INO80C: variants seen among roughly 807,000 people sequenced by gnomAD.
INO80C encodes INO80 complex subunit C.
A neutral mutation model predicts 17.7 loss-of-function variants in INO80C; 17 were observed. The ratio of observed to expected loss-of-function variants is 0.96; its 90% CI spans 0.66 to 1.44. INO80C has a LOEUF of 1.44. INO80C is among the 40% of genes most tolerant of loss of function. The probability of loss-of-function intolerance (pLI) is 0.00; values close to 1 mark genes in which losing one functional copy is unlikely to be tolerated. For synonymous variants in INO80C, 96 were observed against 95.8 expected, an observed-to-expected ratio of 1.00 and a Z score of -0.01; for missense variants, 244 against 245.0, an observed-to-expected ratio of 1.00 and a Z score of 0.03.
chr18:35,477,460 T>G (rs2045750644), intron 4 of INO80C, among the ~76,000 whole-genome samples: 1 of 152,208 alleles, frequency 6.6e-6, no homozygotes, highest in Non-Finnish European at 1.5e-5. Flanking sequence ...ATATTTTCAT[T>G]AAAATGTAAA....
intron 1 of INO80C, among the ~76,000 whole-genome samples, chr18:35,493,094 G>C (rs2045947974): frequency 1.3e-5 from 2 of 152,114 alleles, no homozygotes; most frequent in South Asian, 4.2e-4. Context: ...TGTGAGCTTG[G>C]GCAAGTTACA....
chr18:35,479,309 C>T lies in INO80C; in HGVS notation c.370G>A (p.Asp124Asn), dbSNP rs765641904. 29 of 1,608,312 alleles carry T rather than the reference C, an allele frequency of 1.8e-5. No homozygotes were observed. The highest frequency in any genetic ancestry group is 2.1e-5 in the Non-Finnish European group (25 of 1,174,838). The change falls in exon 3 of 5, where the codon GAT becomes AAT. Residue 124 changes from aspartate (D) to asparagine (N), a missense_variant. Asp to Asn is a conservative substitution (Grantham distance 23). Transcript: ENST00000334598. ...SERALPWQLNDPNYFSIDAPP... is the reference protein window; with the variant it reads ...SERALPWQLNNPNYFSIDAPP... The stretch of plus-strand genomic sequence containing the variant: ...GCTCTAGACAGCTCACAGTTAGGAT[C>T]GTTCAGTTGCCACGGCAATGCCCTT...
intron 2 of INO80C, among the ~76,000 whole-genome samples, chr18:35,479,880 T>TAC (rs1285526702): frequency 6.7e-6 from 1 of 148,774 alleles, no homozygotes; most frequent in Non-Finnish European, 1.5e-5. Context: ...CTCTTCTAGG[T>TAC]ACCTCTTTTT....
chr18:35,494,178 T>G (rs925538893), intron 1 of INO80C, among the ~76,000 whole-genome samples: 4 of 152,212 alleles, frequency 2.6e-5, no homozygotes, highest in African/African-American at 9.6e-5. Flanking sequence ...ATAATTAGCT[T>G]TGGCTCAAGG....
chr18:35,480,110 T>C (rs1965015724), intron 2 of INO80C, among the ~76,000 whole-genome samples: 1 of 152,222 alleles, frequency 6.6e-6, no homozygotes, highest in Admixed American at 6.5e-5. Context: ...CTTATGAAAC[T>C]AATGAGGAAG....
At position 35,497,931 on chromosome 18, in the gene INO80C, C is replaced by T. The variant is rs371262206; in HGVS notation, c.-57G>A. The T allele has an allele frequency of 3.4e-6, 5 of 1,466,546 alleles. No individual in the cohort carries two copies. The highest frequency in any genetic ancestry group is 1.8e-4 in the Middle Eastern group (1 of 5,462). The allele number at this position is 1,466,546 out of a possible 1,614,324, so 90.8% of individuals were successfully genotyped here. A position where few individuals can be genotyped will look rare whatever the true frequency, so the allele number is the denominator to read the frequency against. ...CTTTTTCCCAGCGCGGGCCTTGGAACTTCCTTTCCGCTGTTACTTCCGTCT... is the reference window on the plus strand; with the variant it reads ...CTTTTTCCCAGCGCGGGCCTTGGAATTTCCTTTCCGCTGTTACTTCCGTCT... On this transcript the variant is annotated 5_prime_UTR_variant, in exon 1 of 5. Transcript: ENST00000334598.
In INO80C at chr18:35,497,888, T is replaced by C; in HGVS notation, c.-14A>G. On this transcript the variant is annotated 5_prime_UTR_variant, in exon 1 of 5. Transcript: ENST00000334598. ...TTGCGCCGCCATCGCACTCCGAGTC[T>C]TCCCCTGGTCCCCCCACCTTTTTCC... 1.3e-6 allele frequency: 2 copies of C among 1,543,786 alleles called. No individual in the cohort carries two copies. Among genetic ancestry groups the C allele is most frequent in the Non-Finnish European group, 1.8e-6 (2 of 1,142,454 alleles).
intron 4 of INO80C, among the ~76,000 whole-genome samples, chr18:35,475,592 C>T (rs1237860139): frequency 4.6e-5 from 7 of 151,870 alleles, no homozygotes; most frequent in African/African-American, 1.5e-4. Context: ...ATCACCTGAG[C>T]CTGGGAGGTC....
At chr18:35,488,149 C>A (rs1325623047) in intron 1 of INO80C, among the ~76,000 whole-genome samples, 1 of 152,190 alleles carries the variant, frequency 6.6e-6, no homozygotes, top group Non-Finnish European at 1.5e-5. Context: ...TTTCCAGTCA[C>A]ACAGTGCAAG....
At chr18:35,488,487 C>T (rs2045899912) in intron 1 of INO80C, among the ~76,000 whole-genome samples, 1 of 57,778 alleles carries the variant, frequency 1.7e-5, no homozygotes, top group South Asian at 5.7e-4. Flanking sequence ...CCAAGCTCTA[C>T]CTTGGCCCCT....
intron 1 of INO80C, among the ~76,000 whole-genome samples, chr18:35,497,036 T>G (rs928535580): frequency 5.3e-5 from 8 of 152,208 alleles, no homozygotes; most frequent in African/African-American, 1.4e-4. Context: ...ACACACTCTA[T>G]CTCTGCTTTT....
At position 35,469,037 on chromosome 18, in the gene INO80C, G is replaced by A. The variant is rs75782691; in HGVS notation, c.448-295C>T. Among the ~76,000 whole-genome samples the A allele has an allele frequency of 4.3e-3, 651 of 152,222 alleles. 2 individuals carry two copies. Among genetic ancestry groups the A allele is most frequent in the African/African-American group, 0.015 (615 of 41,526 alleles). ...CAGGTCCAAGACTGAATTCATGATG[G>A]TCATCCCTCCCTGCCTTCAGACTCC... On this transcript the variant is annotated intron_variant, in intron 4 of 4. Coordinates refer to ENST00000334598, the MANE Select transcript of INO80C (RefSeq NM_194281.4).
intron 1 of INO80C, among the ~76,000 whole-genome samples, chr18:35,492,426 C>T (rs947365208): frequency 1.3e-5 from 2 of 151,998 alleles, no homozygotes; most frequent in Non-Finnish European, 2.9e-5. Context: ...AAAAACGGGG[C>T]ACGTAATACT....
intron 4 of INO80C, among the ~76,000 whole-genome samples, chr18:35,471,801 G>A (rs1276461844): frequency 1.0e-5 from 1 of 100,046 alleles, no homozygotes; most frequent in Non-Finnish European, 2.2e-5. Flanking sequence ...TCCCCTTCCT[G>A]TGTCCATGTG....
intron 4 of INO80C, among the ~76,000 whole-genome samples, chr18:35,470,202 A>G (rs2045652782): frequency 6.6e-6 from 1 of 152,206 alleles, no homozygotes; most frequent in Non-Finnish European, 1.5e-5. Context: ...CTCAATAAAA[A>G]AGCAACAAGC....
At chr18:35,480,377 G>T (rs1275963672) in intron 2 of INO80C, 76 bp downstream of exon 2, 5 of 1,009,156 alleles carry the variant, frequency 5.0e-6, no homozygotes, top group Non-Finnish European at 7.9e-6. Context: ...GTGCCACCCT[G>T]GCTACAGGCC....
intron 1 of INO80C, among the ~76,000 whole-genome samples, chr18:35,495,904 G>A (rs944423704): frequency 6.6e-6 from 1 of 152,136 alleles, no homozygotes; most frequent in Non-Finnish European, 1.5e-5. Flanking sequence ...CTCATGAAAA[G>A]TGATTGATAT....
At chr18:35,484,585 C>A (rs1444743444) in intron 1 of INO80C, among the ~76,000 whole-genome samples, 1 of 152,190 alleles carries the variant, frequency 6.6e-6, no homozygotes, top group Non-Finnish European at 1.5e-5. Context: ...CTAAACTGTA[C>A]AATATAACAA....
chr18:35,490,541 T>TA (rs962554476), intron 1 of INO80C, among the ~76,000 whole-genome samples: 13 of 152,236 alleles, frequency 8.5e-5, no homozygotes, highest in Non-Finnish European at 7.3e-5. Context: ...ACTGATATAA[T>TA]ACTGTTGCCA....
Sources: gnomAD v4.1 joint callset for allele counts (sites outside exome capture counted in the v4.1 genomes callset) on GRCh38, gnomAD v4.1.1 for gene constraint, MANE v1.5 for transcripts, NCBI Gene and HGNC (gene_info 2026-07-23, HGNC 2026-07-21) for gene names.